The following BABAM2 variants were observed in gnomAD, a reference collection of about 807,000 sequenced individuals.
The protein encoded by BABAM2 is BRISC and BRCA1 A complex member 2.
In BABAM2, 31 loss-of-function variants were observed where a neutral mutation model predicts 54.7. That is an observed-to-expected ratio of 0.57 (90% CI 0.43 to 0.77). The LOEUF (loss-of-function observed/expected upper bound fraction) is 0.77. BABAM2 is among the 30% of genes least tolerant of loss of function. The probability of loss-of-function intolerance (pLI) is 0.00; values close to 1 mark genes in which losing one functional copy is unlikely to be tolerated. For missense variants in BABAM2, 364 were observed against 455.8 expected, an observed-to-expected ratio of 0.80 and a Z score of 1.83; for synonymous variants, 167 against 162.9, an observed-to-expected ratio of 1.03 and a Z score of -0.19.
intron 7 of BABAM2, among the ~76,000 whole-genome samples, chr2:28,138,207 G>A (rs1670713041): frequency 6.6e-6 from 1 of 152,164 alleles, no homozygotes; most frequent in Admixed American, 6.5e-5. Flanking sequence ...AAGTAGATGG[G>A]AAAATGCCCC....
rs1344247281 is a variant in BABAM2, at chr2:28,112,146, T to TTTCTTTCTTTCTTTCTTTCC, written c.571-17123_571-17122insCTTTCTTTCTTTCTTTCCTT. Among the ~76,000 whole-genome samples, 84 of 10,558 alleles carry TTTCTTTCTTTCTTTCTTTCC rather than the reference T, an allele frequency of 8.0e-3. 22 individuals carry two copies. Among genetic ancestry groups the TTTCTTTCTTTCTTTCTTTCC allele is most frequent in the Middle Eastern group, 0.02 (1 of 50 alleles). The allele number at this position is 10,558 out of a possible 152,430, so 6.9% of individuals were successfully genotyped here. On this transcript the variant is annotated intron_variant, in intron 6 of 11. Transcript: ENST00000379624. ...CTTTCTTTCTTTCTTTCTTTCTTTC[T>TTTCTTTCTTTCTTTCTTTCC]TTACCTCCCTCCCTCCCTCCCTCCC...
intron 4 of BABAM2, chr2:28,016,591 C>T (rs894573700): frequency 3.8e-6 from 2 of 523,976 alleles, no homozygotes; most frequent in African/African-American, 1.9e-5. Context: ...CTGTACATCC[C>T]AGAATCCACT....
At chr2:28,023,119 T>A (rs911651521) in intron 4 of BABAM2, among the ~76,000 whole-genome samples, 8 of 152,194 alleles carry the variant, frequency 5.3e-5, no homozygotes, top group African/African-American at 1.9e-4. Flanking sequence ...GGAAGGAGAC[T>A]GGTTGGTATG....
At chr2:28,124,255 C>T (rs1020572661) in intron 6 of BABAM2, among the ~76,000 whole-genome samples, 1 of 152,202 alleles carries the variant, frequency 6.6e-6, no homozygotes, top group Non-Finnish European at 1.5e-5. Flanking sequence ...CTATGAATGT[C>T]TTCAAGCTCA....
intron 7 of BABAM2, among the ~76,000 whole-genome samples, chr2:28,200,177 G>A (rs1678108385): frequency 6.6e-6 from 1 of 152,158 alleles, no homozygotes; most frequent in Non-Finnish European, 1.5e-5. Flanking sequence ...CTAAAAGAAG[G>A]AGAAGCCAGG....
intron 6 of BABAM2, among the ~76,000 whole-genome samples, chr2:28,052,844 A>C (rs1017590677): frequency 1.3e-5 from 2 of 152,142 alleles, no homozygotes; most frequent in African/African-American, 4.8e-5. Context: ...AGAGTTTTGA[A>C]ATTTCTCATT....
At chr2:28,061,500 A>G (rs1456583838) in intron 6 of BABAM2, among the ~76,000 whole-genome samples, 1 of 149,946 alleles carries the variant, frequency 6.7e-6, no homozygotes, top group South Asian at 2.1e-4. Context: ...CAGGAGAATG[A>G]CGTGAACCTG....
At chr2:28,078,147 C>A (rs1212882450) in intron 6 of BABAM2, among the ~76,000 whole-genome samples, 1 of 152,090 alleles carries the variant, frequency 6.6e-6, no homozygotes, top group Non-Finnish European at 1.5e-5. Flanking sequence ...TTTTGTCCAG[C>A]ATCTTCACAA....
intron 7 of BABAM2, among the ~76,000 whole-genome samples, chr2:28,204,956 A>C (rs1678677143): frequency 6.6e-6 from 1 of 151,912 alleles, no homozygotes; most frequent in Non-Finnish European, 1.5e-5. Flanking sequence ...TCAGTAAAAA[A>C]GTTTTTTTTT....
At chr2:28,089,490 G>C (rs1665975839) in intron 6 of BABAM2, among the ~76,000 whole-genome samples, 2 of 152,080 alleles carry the variant, frequency 1.3e-5, no homozygotes, top group African/African-American at 4.8e-5. Context: ...GTCAGATTTT[G>C]GGCCAGAACC....
Position 28,125,622 on chromosome 2 carries a change from CA to C in BABAM2, c.571-3646del. On this transcript the variant is annotated intron_variant, in intron 6 of 11. Coordinates refer to ENST00000379624, the MANE Select transcript of BABAM2 (RefSeq NM_199191.3). ...GCAAAATTTTTAGAAAATAATCTGT[CA>C]AATTCTTTTGAAATGTAAAATGTTC... Among the ~76,000 whole-genome samples the C allele has an allele frequency of 2.6e-5, 4 of 152,262 alleles. No individual in the cohort carries two copies. The South Asian group carries it at 8.3e-4, about 32-fold the overall frequency.
At chr2:28,070,032 T>A (rs1016131639) in intron 6 of BABAM2, among the ~76,000 whole-genome samples, 3 of 152,186 alleles carry the variant, frequency 2.0e-5, no homozygotes, top group Non-Finnish European at 4.4e-5. Flanking sequence ...CATGCCACCA[T>A]GCTAAAAATT....
intron 7 of BABAM2, among the ~76,000 whole-genome samples, chr2:28,202,868 A>G (rs1359729812): frequency 6.6e-6 from 1 of 152,180 alleles, no homozygotes; most frequent in Admixed American, 6.5e-5. Context: ...GAGTGCTTCA[A>G]TCACGGGGAA....
In BABAM2 at chr2:28,069,243, A is replaced by G. The variant is rs187673315; in HGVS notation, c.570+23444A>G. 1.8e-3 allele frequency among the ~76,000 whole-genome samples: 268 copies of G among 152,284 alleles called. 2 individuals carry two copies. Among genetic ancestry groups the G allele is most frequent in the African/African-American group, 5.9e-3 (247 of 41,558 alleles). On this transcript the variant is annotated intron_variant, in intron 6 of 11. Coordinates refer to ENST00000379624, the MANE Select transcript of BABAM2 (RefSeq NM_199191.3). ...CCACTGGCAATTATCTGGTTTACTT[A>G]CTTGGTATTAGGAAATTATACAATA...
chr2:28,143,003 C>G (rs1396215957), intron 7 of BABAM2, among the ~76,000 whole-genome samples: 13 of 151,952 alleles, frequency 8.6e-5, no homozygotes, highest in Admixed American at 7.9e-4. Context: ...TGTTCATTTA[C>G]TTTTTTCAAA....
Position 28,089,324 on chromosome 2 carries a change from T to A in BABAM2, c.571-39947T>A, listed in dbSNP as rs572206447. Among the ~76,000 whole-genome samples, 12 of 152,066 alleles carry A rather than the reference T, an allele frequency of 7.9e-5. No homozygotes were observed. In the South Asian group the frequency reaches 2.5e-3, roughly 32 times the overall value. On this transcript the variant is annotated intron_variant, in intron 6 of 11. Coordinates refer to ENST00000379624, the MANE Select transcript of BABAM2 (RefSeq NM_199191.3). ...AAATATTGCAATTCAAAAGTGAAAA[T>A]CACTGTAGACTAGCTTCATTTTTCC...
At chr2:27,959,040 G>A (rs1289457035) in intron 3 of BABAM2, among the ~76,000 whole-genome samples, 1 of 152,168 alleles carries the variant, frequency 6.6e-6, no homozygotes, top group African/African-American at 2.4e-5. Context: ...GAGAGAAGAA[G>A]GCAACAAATC....
At chr2:28,006,836 TA>T (rs1347088962) in intron 4 of BABAM2, among the ~76,000 whole-genome samples, 3 of 152,046 alleles carry the variant, frequency 2.0e-5, no homozygotes, top group Non-Finnish European at 2.9e-5. Context: ...TTAATGTGTG[TA>T]TATTAATGTT....
At chr2:28,307,568 C>T (rs755557407) in intron 11 of BABAM2, 11 of 151,828 alleles carry the variant, frequency 7.2e-5, no homozygotes, top group Admixed American at 3.9e-4. Flanking sequence ...CACAGCCTAC[C>T]GTGAATTAAT....
Sources: allele counts gnomAD v4.1 joint callset (sites outside exome capture counted in the v4.1 genomes callset), GRCh38; gene constraint gnomAD v4.1.1; transcripts MANE v1.5; gene names NCBI Gene and HGNC (gene_info 2026-07-23, HGNC 2026-07-21).